Variants in STK33 observed in about 807,000 individuals in gnomAD.
The protein encoded by STK33 is serine/threonine-protein kinase 33.
Under a neutral mutation model 58.0 loss-of-function variants are expected in STK33, and 52 were observed. The ratio of observed to expected loss-of-function variants is 0.90; its 90% confidence interval spans 0.72 to 1.13. The LOEUF is 1.13. STK33 is among the 50% of genes most tolerant of loss of function. The pLI is 0.00. For missense variants in STK33, 630 were observed against 604.2 expected (o/e 1.04, Z -0.45); for synonymous variants, 215 against 200.1 (o/e 1.07, Z -0.63).
chr11:8,417,459 T>C (rs1333408146), intron 14 of STK33, among the ~76,000 whole-genome samples: 1 of 152,136 alleles, frequency 6.6e-6, no homozygotes, highest in African/African-American at 2.4e-5. Context: ...TAAGAGATAG[T>C]GCCTATCAGT....
chr11:8,467,312 C>T (rs187538985), intron 6 of STK33: 1 of 153,156 alleles, frequency 6.5e-6, no homozygotes, highest in East Asian at 1.9e-4. Flanking sequence ...TTAACAGCAC[C>T]CAAGTTGCCT....
At chr11:8,360,760 T>C in the STK33 span, among the ~76,000 whole-genome samples, 1 of 152,256 alleles carries the variant, frequency 6.6e-6, no homozygotes, top group Non-Finnish European at 1.5e-5. Context: ...CCTGCATTCC[T>C]TGTCATGTGT....
chr11:8,390,381 G>T (rs1848603688), downstream of STK33, among the ~76,000 whole-genome samples: 1 of 152,192 alleles, frequency 6.6e-6, no homozygotes, highest in African/African-American at 2.4e-5. Context: ...CTTCGAGTTG[G>T]CCTATCAGTC....
At position 8,464,748 on chromosome 11, in the gene STK33, T is replaced by C. The variant is rs1035919079; in HGVS notation, c.414A>G (p.Thr138=). ...GIVIEATDKE[T]ETKWAIKKVN... The stretch of plus-strand genomic sequence containing the variant: ...CTTTTTTAATTGCCCACTTCGTTTC[T>C]GTTTCCTTGTCTGTCGCTTCAATGA... Residue 138 remains threonine (T), a synonymous_variant, in exon 7 of 16, where the codon ACA becomes ACG. Coordinates refer to ENST00000687296, the MANE Select transcript of STK33 (RefSeq NM_001352389.2). 4.3e-6 allele frequency: 7 copies of C among 1,613,842 alleles called. No individual in the cohort carries two copies. Among genetic ancestry groups the C allele is most frequent in the Non-Finnish European group, 5.9e-6 (7 of 1,179,826 alleles).
chr11:8,480,256 G>T (rs1370133506), intron 2 of STK33, among the ~76,000 whole-genome samples, 154 bp downstream of exon 2: 1 of 152,200 alleles, frequency 6.6e-6, no homozygotes, highest in African/African-American at 2.4e-5. Flanking sequence ...TGGAGCATCA[G>T]GTGGAAGAAG....
the STK33 span, among the ~76,000 whole-genome samples, chr11:8,372,639 G>A: frequency 6.6e-6 from 1 of 152,258 alleles, no homozygotes; most frequent in African/African-American, 2.4e-5. Context: ...CGGGTTGAAG[G>A]GCGGCTAGTC....
the STK33 span, among the ~76,000 whole-genome samples, chr11:8,351,865 C>T: frequency 6.6e-6 from 1 of 152,184 alleles, no homozygotes; most frequent in Non-Finnish European, 1.5e-5. Context: ...GAAGGTTAGG[C>T]ACACACCATG....
At chr11:8,540,457 G>A (rs1164960390) in intron 1 of STK33, among the ~76,000 whole-genome samples, 2 of 152,052 alleles carry the variant, frequency 1.3e-5, no homozygotes. Flanking sequence ...TAGCCTGGGT[G>A]ACAGAGCAAG....
intron 5 of STK33, among the ~76,000 whole-genome samples, chr11:8,473,792 T>A (rs1480087654): frequency 6.6e-6 from 1 of 152,158 alleles, no homozygotes; most frequent in Non-Finnish European, 1.5e-5. Flanking sequence ...TTTTGAGGAA[T>A]GGGAACCTGA....
chr11:8,513,995 C>T (rs1209591009), intron 1 of STK33, among the ~76,000 whole-genome samples: 1 of 151,938 alleles, frequency 6.6e-6, no homozygotes, highest in Non-Finnish European at 1.5e-5. Context: ...TGGTAACCAT[C>T]CTTCTACCCT....
intron 15 of STK33, among the ~76,000 whole-genome samples, chr11:8,400,307 G>C (rs1022501806): frequency 1.3e-5 from 2 of 152,176 alleles, no homozygotes; most frequent in Non-Finnish European, 2.9e-5. Context: ...ATGCAAGGCT[G>C]GTTCAACATA....
At chr11:8,493,223 AGAG>A (rs977183801) in intron 1 of STK33, among the ~76,000 whole-genome samples, 2 of 152,230 alleles carry the variant, frequency 1.3e-5, no homozygotes, top group African/African-American at 4.8e-5. Flanking sequence ...AGAAGAAAAC[AGAG>A]AAGAATCAAA....
At chr11:8,380,153 G>C in the STK33 span, among the ~76,000 whole-genome samples, 1 of 152,256 alleles carries the variant, frequency 6.6e-6, no homozygotes, top group Non-Finnish European at 1.5e-5. Context: ...CCAGTAATGG[G>C]ATTGCTGGGT....
intron 1 of STK33, among the ~76,000 whole-genome samples, chr11:8,520,091 T>G (rs932683170): frequency 3.3e-5 from 5 of 152,182 alleles, no homozygotes; most frequent in Non-Finnish European, 4.4e-5. Context: ...GCTAAAATCC[T>G]CAATAAAATA....
At chr11:8,357,418 G>A in the STK33 span, among the ~76,000 whole-genome samples, 1 of 152,240 alleles carries the variant, frequency 6.6e-6, no homozygotes, top group African/African-American at 2.4e-5. Context: ...GCCTCCAGGA[G>A]GAAAGGCCTT....
At chr11:8,565,146 T>A (rs985703230) in intron 1 of STK33, among the ~76,000 whole-genome samples, 1 of 151,852 alleles carries the variant, frequency 6.6e-6, no homozygotes, top group Non-Finnish European at 1.5e-5. Context: ...TTAGTGGATT[T>A]TAGAAAAGAG....
At chr11:8,462,668 C>T (rs182451222) in intron 7 of STK33, among the ~76,000 whole-genome samples, 6 of 151,988 alleles carry the variant, frequency 3.9e-5, no homozygotes, top group Admixed American at 1.3e-4. Flanking sequence ...TGTTAGATGT[C>T]TCCTAACATT....
chr11:8,366,928 T>C, the STK33 span, among the ~76,000 whole-genome samples: 2 of 152,068 alleles, frequency 1.3e-5, no homozygotes, highest in Non-Finnish European at 2.9e-5. Flanking sequence ...CTTGTGAGAG[T>C]CTGAGGCCTT....
chr11:8,396,532 T>C (rs1438472043), intron 15 of STK33, among the ~76,000 whole-genome samples: 1 of 152,200 alleles, frequency 6.6e-6, no homozygotes, highest in Admixed American at 6.5e-5. Context: ...AGCTCCAGTC[T>C]ACAGCTCCCA....
Sources: allele counts gnomAD v4.1 joint callset (sites outside exome capture counted in the v4.1 genomes callset), GRCh38; gene constraint gnomAD v4.1.1; transcripts MANE v1.5; gene names NCBI Gene and HGNC (gene_info 2026-07-23, HGNC 2026-07-21).